The following EYS variants were observed in gnomAD, a reference collection of about 807,000 sequenced individuals.
The protein encoded by EYS is EGF-like photoreceptor maintenance factor, also known as protein eyes shut homolog.
EYS carries 250 observed loss-of-function variants against 282.1 expected under a neutral mutation model. That is an observed-to-expected ratio of 0.89 (90% CI 0.80 to 0.98). The LOEUF is 0.98. Among genes scored for constraint, EYS ranks in the 50% least tolerant of loss-of-function variants. EYS has a pLI of 0.00. For synonymous variants in EYS, 1,355 were observed against 1,282.9 expected (o/e 1.06, Z -1.20); for missense variants, 4,016 against 3,709.0 (o/e 1.08, Z -2.15).
intron 5 of EYS, among the ~76,000 whole-genome samples, chr6:65,418,169 C>T (rs982306796): frequency 6.6e-6 from 1 of 151,974 alleles, no homozygotes; most frequent in Non-Finnish European, 1.5e-5. Context: ...ACATACCAGC[C>T]TAAGTTCCTA....
At chr6:64,422,343 A>G (rs1043603980) in intron 28 of EYS, among the ~76,000 whole-genome samples, 2 of 152,174 alleles carry the variant, frequency 1.3e-5, no homozygotes, top group African/African-American at 4.8e-5. Flanking sequence ...TGAAAGGGAT[A>G]CAGACAAGCC....
At chr6:65,261,693 T>C (rs1453582646) in intron 12 of EYS, among the ~76,000 whole-genome samples, 2 of 152,120 alleles carry the variant, frequency 1.3e-5, no homozygotes, top group Non-Finnish European at 2.9e-5. Context: ...TTTCTTATTC[T>C]AAATCTATAC....
chr6:65,590,631 C>T (rs1254956548), intron 2 of EYS, among the ~76,000 whole-genome samples: 1 of 151,944 alleles, frequency 6.6e-6, no homozygotes, highest in Non-Finnish European at 1.5e-5. Flanking sequence ...TATTCCCCCA[C>T]TCCCAAATCC....
intron 23 of EYS, among the ~76,000 whole-genome samples, chr6:64,620,066 C>G (rs1320757315): frequency 1.3e-5 from 2 of 152,024 alleles, no homozygotes; most frequent in Non-Finnish European, 2.9e-5. Context: ...TTACAAGAAA[C>G]AGAAATCACT....
At chr6:65,431,823 A>G (rs1217359805) in intron 5 of EYS, among the ~76,000 whole-genome samples, 1 of 152,156 alleles carries the variant, frequency 6.6e-6, no homozygotes, top group Non-Finnish European at 1.5e-5. Context: ...TTAACATTAA[A>G]CTCATGAATA....
chr6:63,983,015 A>C (rs1276703510), intron 35 of EYS, among the ~76,000 whole-genome samples: 1 of 151,726 alleles, frequency 6.6e-6, no homozygotes, highest in Admixed American at 6.6e-5. Flanking sequence ...TTATTTTTGC[A>C]TTATTAGATT....
intron 22 of EYS, among the ~76,000 whole-genome samples, chr6:64,677,253 A>C (rs1337649969): frequency 6.6e-6 from 1 of 152,184 alleles, no homozygotes; most frequent in Non-Finnish European, 1.5e-5. Flanking sequence ...TTTTTTAACC[A>C]GGATGCAATT....
intron 35 of EYS, among the ~76,000 whole-genome samples, chr6:63,879,339 T>A (rs1773066401): frequency 6.6e-6 from 1 of 152,142 alleles, no homozygotes; most frequent in African/African-American, 2.4e-5. Flanking sequence ...ATAAACATAA[T>A]TAGGCTTTTA....
intron 19 of EYS, among the ~76,000 whole-genome samples, chr6:64,866,113 T>G (rs1031329713): frequency 6.6e-6 from 1 of 152,012 alleles, no homozygotes; most frequent in Non-Finnish European, 1.5e-5. Context: ...CCATATTACA[T>G]TTAGCAATCT....
chr6:64,754,423 G>T (rs188514604), intron 22 of EYS, among the ~76,000 whole-genome samples: 296 of 152,148 alleles, frequency 1.9e-3, no homozygotes, highest in Non-Finnish European at 3.9e-3. Context: ...GGAGAATTTG[G>T]ACTGATCCTA....
intron 22 of EYS, among the ~76,000 whole-genome samples, chr6:64,699,954 C>A (rs751663669): frequency 2.6e-5 from 4 of 151,970 alleles, no homozygotes; most frequent in Non-Finnish European, 5.9e-5. Context: ...TCCCCCATAT[C>A]TCTGATAAAT....
intron 35 of EYS, among the ~76,000 whole-genome samples, chr6:63,959,967 T>A (rs145346827): frequency 0.022 from 3,374 of 151,852 alleles, 114 homozygotes; most frequent in African/African-American, 0.075. Context: ...ATGGCACATG[T>A]ATACCTATGT....
chr6:64,692,827 T>C (rs72884541), intron 22 of EYS, among the ~76,000 whole-genome samples: 17,757 of 151,992 alleles, frequency 0.12, 1,378 homozygotes, highest in East Asian at 0.29. Context: ...TTCTGAGTTT[T>C]CTATTCTTTT....
intron 30 of EYS, among the ~76,000 whole-genome samples, chr6:64,274,416 T>A (rs896314745): frequency 2.0e-5 from 3 of 150,522 alleles, no homozygotes; most frequent in Non-Finnish European, 2.9e-5. Context: ...AAGCAATCTG[T>A]CTGCTGTCTG....
intron 34 of EYS, among the ~76,000 whole-genome samples, chr6:63,987,719 C>G (rs1464682765): frequency 6.6e-6 from 1 of 151,574 alleles, no homozygotes; most frequent in South Asian, 2.1e-4. Context: ...ATTGGTATTA[C>G]AGATACAATA....
chr6:64,962,338 TTATC>T (rs1769949734), intron 14 of EYS, among the ~76,000 whole-genome samples: 1 of 152,148 alleles, frequency 6.6e-6, no homozygotes, highest in South Asian at 2.1e-4. Context: ...AATAAACTGT[TTATC>T]TAATTTATCT....
intron 31 of EYS, among the ~76,000 whole-genome samples, chr6:64,129,669 C>T (rs1458746405): frequency 6.6e-6 from 1 of 152,064 alleles, no homozygotes; most frequent in Non-Finnish European, 1.5e-5. Context: ...CTTTTGTTGC[C>T]ATTGCTTTTG....
At chr6:65,335,306 T>C (rs1769947176) in intron 10 of EYS, among the ~76,000 whole-genome samples, 160 bp from the exon 11 acceptor site, 1 of 151,792 alleles carries the variant, frequency 6.6e-6, no homozygotes, top group Non-Finnish European at 1.5e-5. Flanking sequence ...GTTCAAAGCT[T>C]GGCTGGCACA....
intron 26 of EYS, among the ~76,000 whole-genome samples, chr6:64,545,431 A>G (rs1198007771): frequency 6.6e-6 from 1 of 152,174 alleles, no homozygotes; most frequent in Non-Finnish European, 1.5e-5. Context: ...ATGAGCAAAA[A>G]CTGGAGGCAT....
Sources: allele counts gnomAD v4.1 joint callset (sites outside exome capture counted in the v4.1 genomes callset), GRCh38; gene constraint gnomAD v4.1.1; transcripts MANE v1.5; gene names NCBI Gene and HGNC (gene_info 2026-07-23, HGNC 2026-07-21).